Variants in SLC45A3 observed in about 807,000 individuals in gnomAD.
SLC45A3 encodes solute carrier family 45 member 3, also known as prostate cancer associated protein 2.
In SLC45A3, 17 loss-of-function variants were observed where a neutral mutation model predicts 35.3. The ratio of observed to expected loss-of-function variants is 0.48; its 90% confidence interval spans 0.33 to 0.72. SLC45A3 has a LOEUF of 0.72. SLC45A3 is among the 30% of genes least tolerant of loss of function. The probability of loss-of-function intolerance (pLI) is 0.02; values close to 1 mark genes in which losing one functional copy is unlikely to be tolerated. For synonymous variants in SLC45A3, 288 were observed against 334.3 expected, an observed-to-expected ratio of 0.86 and a Z score of 1.51; for missense variants, 597 against 731.7, an observed-to-expected ratio of 0.82 and a Z score of 2.12.
chr1:205,672,247 G>A (rs1326171505), intron 1 of SLC45A3, among the ~76,000 whole-genome samples: 10 of 151,684 alleles, frequency 6.6e-5, no homozygotes, highest in Admixed American at 2.6e-4. Context: ...CCACACCAGC[G>A]CCTCTTTCAG....
intron 1 of SLC45A3, among the ~76,000 whole-genome samples, chr1:205,671,565 T>C (rs1487982606): frequency 1.3e-5 from 2 of 152,092 alleles, no homozygotes; most frequent in Non-Finnish European, 2.9e-5. Context: ...TCATCCACAA[T>C]GAACAACAGC....
In SLC45A3 at chr1:205,669,433, G is replaced by A. The variant is rs899318702; in HGVS notation, c.-230-4547C>T. Among the ~76,000 whole-genome samples the A allele has an allele frequency of 6.6e-6, 1 of 152,196 alleles. No homozygotes were observed. The highest frequency in any genetic ancestry group is 2.4e-5 in the African/African-American group (1 of 41,456). ...AGGGTCAGAGGGGGATGTATAAAGA[G>A]GTCTTTGAGGGCTTTCAAAGGGGCT... On this transcript the variant is annotated intron_variant, in intron 1 of 4. Coordinates refer to ENST00000367145, the MANE Select transcript of SLC45A3 (RefSeq NM_033102.3). This position sits in a 1 kb window ranked among gnomAD's most constrained non-coding sequence, Gnocchi z 4.1.
intron 1 of SLC45A3, among the ~76,000 whole-genome samples, chr1:205,676,067 C>G (rs1346254557): frequency 1.3e-5 from 2 of 152,116 alleles, no homozygotes; most frequent in Non-Finnish European, 2.9e-5. Flanking sequence ...TGTGACTTTA[C>G]CAGTGTGCCT....
rs1263934904 is a variant in SLC45A3, at chr1:205,663,212, G to A, written c.579C>T (p.Gly193=). The part of the protein sequence containing the change: ...WDTSALAPYL[G]TQEECLFGLL... ...GGCCAAAGAGGCACTCCTCCTGGGT[G>A]CCCAGGTAGGGGGCCAGGGCACTGG... The change falls in exon 3 of 5, where the codon GGC becomes GGT. Residue 193 remains glycine (G), a synonymous_variant. Transcript: ENST00000367145. 6.2e-7 allele frequency: 1 copy of A among 1,613,416 alleles called. No homozygotes were observed. The highest frequency in any genetic ancestry group is 1.3e-5 in the African/African-American group (1 of 74,960).
chr1:205,673,151 G>T (rs1159064470), intron 1 of SLC45A3, among the ~76,000 whole-genome samples: 1 of 152,140 alleles, frequency 6.6e-6, no homozygotes, highest in East Asian at 1.9e-4. Context: ...CAGGACATCT[G>T]GGGGTAGAAC....
In SLC45A3 at chr1:205,671,259, C is replaced by T. The variant is rs199805979; in HGVS notation, c.-230-6373G>A. The stretch of plus-strand genomic sequence containing the variant: ...CCCATGGTGACAGTCAATACAGACA[C>T]ACATTCTGACTCCAGGCACCTGGGC... On this transcript the variant is annotated intron_variant, in intron 1 of 4. Transcript: ENST00000367145. 7.9e-5 allele frequency among the ~76,000 whole-genome samples: 12 copies of T among 152,244 alleles called. No individual in the cohort carries two copies. In the East Asian group the frequency reaches 2.3e-3, roughly 29 times the overall value.
At chr1:205,671,571 A>C (rs2102408252) in intron 1 of SLC45A3, among the ~76,000 whole-genome samples, 1 of 152,298 alleles carries the variant, frequency 6.6e-6, no homozygotes, top group South Asian at 2.1e-4. Context: ...ACAATGAACA[A>C]CAGCAGGCCG....
At chr1:205,677,330 C>T (rs1418652) in intron 1 of SLC45A3, among the ~76,000 whole-genome samples, 77,741 of 151,990 alleles carry the variant, frequency 0.51, 20,841 homozygotes, top group Non-Finnish European at 0.6. Context: ...TAGTTATCTA[C>T]GGGCCGATTC....
intron 4 of SLC45A3, among the ~76,000 whole-genome samples, chr1:205,660,190 T>C (rs1460382709): frequency 6.6e-6 from 1 of 152,016 alleles, no homozygotes; most frequent in African/African-American, 2.4e-5. Flanking sequence ...CAGATGCCAC[T>C]AGGGTAGCTG....
chr1:205,664,630 G>A lies in SLC45A3; in HGVS notation c.27C>T (p.Arg9=), dbSNP rs1460955868. MVQRLWVS[R]LLRHRKAQLL... ...GCTGGGCTTTCCGGTGCCGCAGCAG[G>A]CGGCTCACCCACAGCCTCTGGACCA... Residue 9 remains arginine, a synonymous_variant, in exon 2 of 5, where the codon CGC becomes CGT. Coordinates refer to ENST00000367145, the MANE Select transcript of SLC45A3 (RefSeq NM_033102.3). This position sits in a 1 kb window ranked among gnomAD's most constrained non-coding sequence, Gnocchi z 5.3. 1.2e-6 allele frequency: 2 copies of A among 1,614,240 alleles called. No homozygotes were observed. Among genetic ancestry groups the A allele is most frequent in the East Asian group, 4.5e-5 (2 of 44,894 alleles).
Position 205,663,413 on chromosome 1 carries a change from G to A in SLC45A3, c.378C>T (p.Ile126=), listed in dbSNP as rs775721751. The change falls in exon 3 of 5, where the codon ATC becomes ATT. Residue 126 remains isoleucine, a synonymous_variant. Transcript: ENST00000367145. ...AGAAGTCCAGCAGCCCCACGCCCAG[G>A]ATGAGCAGTGCCAGCTCCAGGGGCC... ...DPRPLELALL[I]LGVGLLDFCG... The A allele has an allele frequency of 1.2e-6, 2 of 1,613,188 alleles. No homozygotes were observed. Among genetic ancestry groups the A allele is most frequent in the South Asian group, 1.1e-5 (1 of 91,058 alleles).
intron 1 of SLC45A3, among the ~76,000 whole-genome samples, chr1:205,675,935 C>A (rs4951255): frequency 0.23 from 35,568 of 152,078 alleles, 4,695 homozygotes; most frequent in Admixed American, 0.34. Context: ...TGCAGTCCTT[C>A]CCCCACTGCC....
At position 205,659,694 on chromosome 1, in the gene SLC45A3, AG is replaced by A. The variant is rs752984647; in HGVS notation, c.1225-24del. On this transcript the variant is annotated intron_variant, in intron 4 of 4. Coordinates refer to ENST00000367145, the MANE Select transcript of SLC45A3 (RefSeq NM_033102.3). The surrounding 1 kb of genome is among the most constrained non-coding windows in gnomAD (Gnocchi z 5.8). ...CACCTAAGGCAGAGGGGTGAAGAAAAGGGGAAGAGGACAGGTGTGTACCCAG... is the reference window on the plus strand; with the variant it reads ...CACCTAAGGCAGAGGGGTGAAGAAAAGGGAAGAGGACAGGTGTGTACCCAG... The A allele has an allele frequency of 2.0e-6, 3 of 1,517,132 alleles. No homozygotes were observed. The highest frequency in any genetic ancestry group is 2.6e-6 in the Non-Finnish European group (3 of 1,133,934). 94.0% of individuals were successfully genotyped at this position (1,517,132 alleles called of 1,614,324 possible).
Position 205,669,963 on chromosome 1 carries a change from T to C in SLC45A3, c.-230-5077A>G, listed in dbSNP as rs760045890. 6.6e-6 allele frequency among the ~76,000 whole-genome samples: 1 copy of C among 152,162 alleles called. No individual in the cohort carries two copies. The highest frequency in any genetic ancestry group is 2.1e-4 in the South Asian group (1 of 4,834). ...ACTGAGCTCTCCAGGGTCCTCTAGGTTGGGGGCAGGGAGTGGACCTCTCAG... is the reference window on the plus strand; with the variant it reads ...ACTGAGCTCTCCAGGGTCCTCTAGGCTGGGGGCAGGGAGTGGACCTCTCAG... On this transcript the variant is annotated intron_variant, in intron 1 of 4. Transcript: ENST00000367145. This position sits in a 1 kb window ranked among gnomAD's most constrained non-coding sequence, Gnocchi z 4.1.
In SLC45A3 at chr1:205,664,365, CA is replaced by C; in HGVS notation, c.172+119del. On this transcript the variant is annotated intron_variant, in intron 2 of 4. Transcript: ENST00000367145. This position sits in a 1 kb window ranked among gnomAD's most constrained non-coding sequence, Gnocchi z 5.3. The stretch of plus-strand genomic sequence containing the variant: ...AGCCCAGGGTCACCCTCCTGCCCAG[CA>C]ATGCCTTCCCAGCAGACCACCTCTC... 1 of 1,354,084 alleles carries C rather than the reference CA, an allele frequency of 7.4e-7. No individual in the cohort carries two copies. Among genetic ancestry groups the C allele is most frequent in the East Asian group, 2.3e-5 (1 of 43,300 alleles). 83.9% of individuals were successfully genotyped at this position (1,354,084 alleles called of 1,614,324 possible).
In SLC45A3 at chr1:205,659,239, C is replaced by T; in HGVS notation, c.1657G>A (p.Ala553Thr). ...FDKSDLAKYS[A>T] is the part of the protein sequence containing the mutation. ...CCCAATGTGCTGGAAGTTTTCTACG[C>T]TGAGTATTTGGCCAAGTCGCTCTTG... The change falls in exon 5 of 5, where the codon GCG becomes ACG. Residue 553 changes from alanine to threonine, a missense_variant. Coordinates refer to ENST00000367145, the MANE Select transcript of SLC45A3 (RefSeq NM_033102.3). This position sits in a 1 kb window ranked among gnomAD's most constrained non-coding sequence, Gnocchi z 5.8. 1 of 1,607,890 alleles carries T rather than the reference C, an allele frequency of 6.2e-7. No individual in the cohort carries two copies. Among genetic ancestry groups the T allele is most frequent in the South Asian group, 1.1e-5 (1 of 89,990 alleles).
At position 205,679,215 on chromosome 1, in the gene SLC45A3, G is replaced by C. The variant is rs536802989; in HGVS notation, c.-231+1179C>G. On this transcript the variant is annotated intron_variant, in intron 1 of 4. Coordinates refer to ENST00000367145, the MANE Select transcript of SLC45A3 (RefSeq NM_033102.3). ...TCTTAGTCCCTGCTCCACCGGGACC[G>C]GGTCTGTGTAACAGCTGAAGGGCGA... Among the ~76,000 whole-genome samples, 8 of 152,232 alleles carry C rather than the reference G, an allele frequency of 5.3e-5. No individual in the cohort carries two copies. The South Asian group carries it at 1.5e-3, about 28-fold the overall frequency.
chr1:205,678,918 C>G (rs61824661), intron 1 of SLC45A3, among the ~76,000 whole-genome samples: 6,932 of 152,296 alleles, frequency 0.046, 242 homozygotes, highest in Non-Finnish European at 0.072. Context: ...CTCAGGCTTC[C>G]CGTCTAGCCT....
Position 205,664,733 on chromosome 1 carries a change from C to A in SLC45A3, c.-77G>T. ...CTTCGTCTCGGCTCTGCTCCAGAAG[C>A]TGCGGCCTCTCCTCCTTGCTGCCGC... is the stretch of plus-strand genomic sequence containing the variant. On this transcript the variant is annotated 5_prime_UTR_variant, in exon 2 of 5. Coordinates refer to ENST00000367145, the MANE Select transcript of SLC45A3 (RefSeq NM_033102.3). This position sits in a 1 kb window ranked among gnomAD's most constrained non-coding sequence, Gnocchi z 5.3. 6.5e-7 allele frequency: 1 copy of A among 1,545,866 alleles called. No homozygotes were observed. Among genetic ancestry groups the A allele is most frequent in the Non-Finnish European group, 8.7e-7 (1 of 1,149,194 alleles).
Sources: allele counts gnomAD v4.1 joint callset (sites outside exome capture counted in the v4.1 genomes callset), GRCh38; gene constraint gnomAD v4.1.1; non-coding constraint Gnocchi (gnomAD v3.1); transcripts MANE v1.5; gene names NCBI Gene and HGNC (gene_info 2026-07-23, HGNC 2026-07-21).